Variants in BCAS3 observed in about 807,000 individuals in gnomAD.
The protein encoded by BCAS3 is BCAS4/BCAS3 fusion.
In BCAS3, 53 loss-of-function variants were observed where a neutral mutation model predicts 116.1. The ratio of observed to expected loss-of-function variants is 0.46; its 90% CI spans 0.37 to 0.57. BCAS3 has a LOEUF of 0.57. Ranked by LOEUF, BCAS3 falls within the 20% of genes least tolerant of loss-of-function variation. BCAS3 has a pLI of 0.00. For synonymous variants in BCAS3, 391 were observed against 408.2 expected (o/e 0.96, Z 0.51); for missense variants, 917 against 1,165.4 (o/e 0.79, Z 3.10).
rs1174351372 is a variant in BCAS3, at chr17:61,104,969, A to T, written c.2425+20405A>T. Among the ~76,000 whole-genome samples, 7 of 152,176 alleles carry T rather than the reference A, an allele frequency of 4.6e-5. No individual in the cohort carries two copies. Among genetic ancestry groups the T allele is most frequent in the Admixed American group, 3.3e-4 (5 of 15,272 alleles). On this transcript the variant is annotated intron_variant, in intron 22 of 23. Coordinates refer to ENST00000407086, the MANE Select transcript of BCAS3 (RefSeq NM_017679.5). The surrounding 1 kb of genome is among the most constrained non-coding windows in gnomAD (Gnocchi z 4.1). ...GGAATAGCTGAGAGTAGGAAAACTC[A>T]TGAGGCTTTTTCTCATCACAAGCTG...
chr17:60,753,019 A>AT (rs1272747649), intron 6 of BCAS3, among the ~76,000 whole-genome samples: 1 of 62,932 alleles, frequency 1.6e-5, no homozygotes, highest in Non-Finnish European at 6.3e-5. Context: ...TAATTTTTAA[A>AT]TTTTTTGTAG....
Position 61,388,884 on chromosome 17 carries a change from G to A in BCAS3, c.2594-3093G>A, listed in dbSNP as rs76189177. 3.3e-6 allele frequency: 2 copies of A among 612,554 alleles called. No homozygotes were observed. The highest frequency in any genetic ancestry group is 5.7e-5 in the East Asian group (2 of 35,326). 37.9% of individuals were successfully genotyped at this position (612,554 alleles called of 1,614,324 possible). On this transcript the variant is annotated intron_variant, in intron 23 of 23. Transcript: ENST00000407086. The surrounding 1 kb of genome is among the most constrained non-coding windows in gnomAD (Gnocchi z 6.5). ...CGTGGAGAAAAGCGCCCACAAAGCT[G>A]CCCCGGGGCCAGCAGGCCCCCGATT...
In BCAS3 at chr17:61,241,220, T is replaced by C. The variant is rs944805699; in HGVS notation, c.2426-127107T>C. Among the ~76,000 whole-genome samples, 1 of 152,174 alleles carries C rather than the reference T, an allele frequency of 6.6e-6. No homozygotes were observed. The highest frequency in any genetic ancestry group is 2.4e-5 in the African/African-American group (1 of 41,438). ...GCAAAAGTCAGTGAGGACTCTGTTA[T>C]TACTACGAATTTGTAGGTTGGTATT... On this transcript the variant is annotated intron_variant, in intron 22 of 23. Transcript: ENST00000407086. The surrounding 1 kb of genome is among the most constrained non-coding windows in gnomAD (Gnocchi z 4.6).
chr17:60,940,048 A>G (rs2060142682), intron 13 of BCAS3, among the ~76,000 whole-genome samples: 1 of 152,222 alleles, frequency 6.6e-6, no homozygotes, highest in South Asian at 2.1e-4. Flanking sequence ...AAAGAAAATA[A>G]TTAAATATTT....
chr17:60,814,302 T>TGCGCGCGCGCGC lies in BCAS3; in HGVS notation c.476+6227_476+6228insCGCGCGCGCGCG, dbSNP rs58998607. Among the ~76,000 whole-genome samples, 323 of 138,842 alleles carry TGCGCGCGCGCGC rather than the reference T, an allele frequency of 2.3e-3. 4 individuals are homozygous for TGCGCGCGCGCGC. The highest frequency in any genetic ancestry group is 8.7e-3 in the African/African-American group (295 of 33,848). The allele number at this position is 138,842 out of a possible 152,430, so 91.1% of individuals were successfully genotyped here. A position where few individuals can be genotyped will look rare whatever the true frequency, so the allele number is the denominator to read the frequency against. On this transcript the variant is annotated intron_variant, in intron 7 of 23. Coordinates refer to ENST00000407086, the MANE Select transcript of BCAS3 (RefSeq NM_017679.5). ...GTGTGTGTGTGTGTGTGTGTGTGTG[T>TGCGCGCGCGCGC]GTGTGCGCGCGTGCCCATTGCAAAT...
intron 22 of BCAS3, among the ~76,000 whole-genome samples, chr17:61,253,155 C>T (rs927088952): frequency 8.6e-5 from 13 of 151,718 alleles, no homozygotes; most frequent in African/African-American, 3.1e-4. Context: ...GGATTACAGG[C>T]ATGAGCCACT....
At chr17:61,237,131 G>C (rs1337426296) in intron 22 of BCAS3, among the ~76,000 whole-genome samples, 1 of 152,206 alleles carries the variant, frequency 6.6e-6, no homozygotes, top group Non-Finnish European at 1.5e-5. Flanking sequence ...TCTGGGTAGA[G>C]TGGGGACTTG....
At chr17:60,765,114 A>G (rs2144376355) in intron 6 of BCAS3, among the ~76,000 whole-genome samples, 1 of 152,240 alleles carries the variant, frequency 6.6e-6, no homozygotes. Context: ...TCCTGAATAT[A>G]GCACACTGAT....
At chr17:60,806,555 CT>C (rs536450898) in intron 6 of BCAS3, among the ~76,000 whole-genome samples, 384 of 142,440 alleles carry the variant, frequency 2.7e-3, no homozygotes, top group African/African-American at 4.0e-3. Flanking sequence ...TCTTCTTAAT[CT>C]TTTTTTTTTT....
At chr17:60,828,786 A>C (rs2050655921) in intron 7 of BCAS3, among the ~76,000 whole-genome samples, 1 of 152,112 alleles carries the variant, frequency 6.6e-6, no homozygotes. Flanking sequence ...AGACATGTTT[A>C]TGGGTATCTA....
chr17:60,875,740 C>T (rs886716306), intron 9 of BCAS3, among the ~76,000 whole-genome samples: 3 of 151,844 alleles, frequency 2.0e-5, no homozygotes, highest in African/African-American at 7.2e-5. Context: ...AGTGCTGTGG[C>T]AAAAATATTG....
At chr17:61,237,133 G>A (rs576903053) in intron 22 of BCAS3, among the ~76,000 whole-genome samples, 3 of 152,280 alleles carry the variant, frequency 2.0e-5, no homozygotes, top group Admixed American at 2.0e-4. Flanking sequence ...TGGGTAGAGT[G>A]GGGACTTGGA....
chr17:61,028,720 C>T lies in BCAS3; in HGVS notation c.1638-5946C>T, dbSNP rs2066431223. On this transcript the variant is annotated intron_variant, in intron 16 of 23. Transcript: ENST00000407086. The surrounding 1 kb of genome is among the most constrained non-coding windows in gnomAD (Gnocchi z 4.3). The stretch of plus-strand genomic sequence containing the variant: ...GAGGTTGAAACAAGATTAAAAGAGC[C>T]AGATTAAAGAAAGGGATATATTAAA... Among the ~76,000 whole-genome samples, 1 of 151,852 alleles carries T rather than the reference C, an allele frequency of 6.6e-6. No homozygotes were observed. The highest frequency in any genetic ancestry group is 2.4e-5 in the African/African-American group (1 of 41,396).
At chr17:61,384,260 G>A (rs567655321) in intron 23 of BCAS3, 117 of 152,430 alleles carry the variant, frequency 7.7e-4, no homozygotes, top group African/African-American at 2.6e-3. Flanking sequence ...CTGGAGCTAG[G>A]AGAGACATTT....
intron 7 of BCAS3, among the ~76,000 whole-genome samples, chr17:60,847,612 A>C (rs1432545977): frequency 6.6e-6 from 1 of 152,224 alleles, no homozygotes; most frequent in Non-Finnish European, 1.5e-5. Flanking sequence ...TCCTTTGTGC[A>C]CATGTTGACC....
rs191425231 is a variant in BCAS3, at chr17:61,028,025, A to G, written c.1638-6641A>G. Among the ~76,000 whole-genome samples the G allele has an allele frequency of 6.6e-6, 1 of 152,036 alleles. No homozygotes were observed. The highest frequency in any genetic ancestry group is 6.6e-5 in the Admixed American group (1 of 15,256). ...TTTTATTAATTTAGTCAGAATACTG[A>G]AAAGAGTTCTGCACATATGTGTAGT... On this transcript the variant is annotated intron_variant, in intron 16 of 23. Coordinates refer to ENST00000407086, the MANE Select transcript of BCAS3 (RefSeq NM_017679.5). The surrounding 1 kb of genome is among the most constrained non-coding windows in gnomAD (Gnocchi z 4.3).
chr17:60,919,569 C>T (rs1017728579), intron 12 of BCAS3, among the ~76,000 whole-genome samples: 4 of 152,166 alleles, frequency 2.6e-5, no homozygotes, highest in East Asian at 3.9e-4. Flanking sequence ...GTGATCTACC[C>T]GCCTTGGCCT....
chr17:60,812,357 A>G (rs1042666259), intron 7 of BCAS3, among the ~76,000 whole-genome samples: 2 of 152,198 alleles, frequency 1.3e-5, no homozygotes, highest in African/African-American at 4.8e-5. Flanking sequence ...TGGCTTATAT[A>G]TCATCTCAGT....
At chr17:61,328,700 A>G (rs1396366673) in intron 22 of BCAS3, among the ~76,000 whole-genome samples, 1 of 152,098 alleles carries the variant, frequency 6.6e-6, no homozygotes, top group Non-Finnish European at 1.5e-5. Context: ...GGGGTGGTCA[A>G]GGCTGCAGTG....
Sources: allele counts gnomAD v4.1 joint callset (sites outside exome capture counted in the v4.1 genomes callset), GRCh38; gene constraint gnomAD v4.1.1; non-coding constraint Gnocchi (gnomAD v3.1); transcripts MANE v1.5; gene names NCBI Gene and HGNC (gene_info 2026-07-23, HGNC 2026-07-21).